The following SHROOM4 variants were observed in gnomAD, a reference collection of about 807,000 sequenced individuals.
The protein encoded by SHROOM4 is shroom family member 4.
A neutral mutation model predicts 80.3 loss-of-function variants in SHROOM4; 17 were observed. The observed-to-expected ratio is 0.21, with a 90% confidence interval of 0.14 to 0.32. SHROOM4 has a LOEUF of 0.32. Among genes scored for constraint, SHROOM4 ranks in the 10% least tolerant of loss-of-function variants. The pLI, the probability that SHROOM4 is intolerant of heterozygous loss-of-function variation, is 1.00. For missense variants in SHROOM4, 993 were observed against 1,140.3 expected, an observed-to-expected ratio of 0.87 and a Z score of 1.86; for synonymous variants, 400 against 437.5, an observed-to-expected ratio of 0.91 and a Z score of 1.07.
intron 1 of SHROOM4, among the ~76,000 whole-genome samples, chrX:50,696,741 G>A (rs1223960410): frequency 1.8e-5 from 2 of 112,095 alleles, no homozygotes; most frequent in Non-Finnish European, 3.8e-5. Flanking sequence ...CTGGAAATAT[G>A]GGTATTTACT....
chrX:50,610,352 TCACACACACACA>T (rs1557249589), intron 5 of SHROOM4, among the ~76,000 whole-genome samples: 1 of 91,718 alleles, frequency 1.1e-5, no homozygotes, highest in Admixed American at 1.2e-4. Context: ...TCTCTCTCTC[TCACACACACACA>T]CACACACACA....
chrX:50,788,086 T>C (rs942672715), intron 1 of SHROOM4, among the ~76,000 whole-genome samples: 2 of 112,105 alleles, frequency 1.8e-5, no homozygotes, highest in Admixed American at 9.4e-5. Context: ...TTAATTCTAG[T>C]ATAAAATTTA....
intron 1 of SHROOM4, among the ~76,000 whole-genome samples, chrX:50,813,188 A>G (rs782581055): frequency 5.6e-4 from 40 of 71,442 alleles, no homozygotes; most frequent in African/African-American, 1.2e-3. Flanking sequence ...CGGCGGCGGC[A>G]GCGGCAGCAG....
intron 3 of SHROOM4, among the ~76,000 whole-genome samples, chrX:50,637,327 TAGTC>T (rs1324899601): frequency 8.9e-6 from 1 of 111,949 alleles, no homozygotes; most frequent in Non-Finnish European, 1.9e-5. Context: ...CCTTGCCCCT[TAGTC>T]AGTCAGCTCA....
chrX:50,787,678 C>T (rs1935771528), intron 1 of SHROOM4, among the ~76,000 whole-genome samples: 1 of 109,928 alleles, frequency 9.1e-6, no homozygotes, highest in Non-Finnish European at 1.9e-5. Context: ...AGAAAAATAA[C>T]CTGTCATATA....
intron 6 of SHROOM4, among the ~76,000 whole-genome samples, chrX:50,603,921 T>A (rs1407971718): frequency 9.0e-6 from 1 of 111,623 alleles, no homozygotes. Context: ...TATATTCTCA[T>A]TGCCTGCTAG....
intron 1 of SHROOM4, among the ~76,000 whole-genome samples, chrX:50,736,678 G>T (rs191825368): frequency 8.9e-6 from 1 of 111,821 alleles, no homozygotes; most frequent in East Asian, 2.8e-4. Flanking sequence ...CTATGTCTTC[G>T]CTATTATGAA....
At chrX:50,610,184 C>T (rs1389909330) in intron 5 of SHROOM4, among the ~76,000 whole-genome samples, 2 of 111,634 alleles carry the variant, frequency 1.8e-5, no homozygotes, top group East Asian at 5.6e-4. Context: ...CTCCTCTTAT[C>T]CCTCCCCCAT....
intron 2 of SHROOM4, chrX:50,687,072 T>C (rs1933091368): frequency 8.9e-6 from 1 of 111,970 alleles, no homozygotes; most frequent in Non-Finnish European, 1.9e-5. Flanking sequence ...TTTTTATTCA[T>C]TCTCACTTGT....
At chrX:50,625,955 G>A (rs1427657027) in intron 5 of SHROOM4, among the ~76,000 whole-genome samples, 1 of 111,985 alleles carries the variant, frequency 8.9e-6, no homozygotes, top group Non-Finnish European at 1.9e-5. Flanking sequence ...CATTTCCTGA[G>A]AGTTTACGGT....
In SHROOM4 at chrX:50,771,147, C is replaced by G. The variant is rs1392601690; in HGVS notation, c.117+42755G>C. On this transcript the variant is annotated intron_variant, in intron 1 of 8. Transcript: ENST00000376020. ...TATCTTTAAGCTGGAACTGACCAACCACCCCTGTCTTAGTAAAAAGGTATT... is the reference window on the plus strand; with the variant it reads ...TATCTTTAAGCTGGAACTGACCAACGACCCCTGTCTTAGTAAAAAGGTATT... Among the ~76,000 whole-genome samples the G allele has an allele frequency of 2.7e-5, 3 of 111,241 alleles. No homozygotes were observed. The Admixed American group carries it at 2.9e-4, about 11-fold the overall frequency.
intron 1 of SHROOM4, among the ~76,000 whole-genome samples, chrX:50,753,167 C>T (rs1934959763): frequency 9.0e-6 from 1 of 111,719 alleles, no homozygotes; most frequent in African/African-American, 3.3e-5. Flanking sequence ...CCTGAAGTCC[C>T]TACCTTAAAT....
chrX:50,740,811 C>T (rs1934637524), intron 1 of SHROOM4, among the ~76,000 whole-genome samples: 1 of 111,915 alleles, frequency 8.9e-6, no homozygotes, highest in African/African-American at 3.2e-5. Flanking sequence ...TGCAAATATA[C>T]AAAATTAAAT....
Position 50,803,170 on chromosome X carries a change from C to G in SHROOM4, c.117+10732G>C, listed in dbSNP as rs1325547086. On this transcript the variant is annotated intron_variant, in intron 1 of 8. Transcript: ENST00000376020. Reference sequence around the variant, plus strand: ...ACGCCACTGCACTCCAGCCTGGCAACAGAGAGAGACTCCGTCTCAAAAAAT... The same window carrying G: ...ACGCCACTGCACTCCAGCCTGGCAAGAGAGAGAGACTCCGTCTCAAAAAAT... Among the ~76,000 whole-genome samples the G allele has an allele frequency of 7.2e-5, 8 of 111,708 alleles. No individual in the cohort carries two copies. In the Admixed American group the frequency reaches 7.6e-4, roughly 11 times the overall value.
intron 6 of SHROOM4, among the ~76,000 whole-genome samples, chrX:50,606,307 C>T (rs1929669443): frequency 9.3e-6 from 1 of 107,663 alleles, no homozygotes; most frequent in Non-Finnish European, 1.9e-5. Flanking sequence ...GCATCTTGGG[C>T]TGGAAAACTG....
In SHROOM4 at chrX:50,590,141, G is replaced by T. The variant is rs547137001; in HGVS notation, c.*6554C>A. Among the ~76,000 whole-genome samples the T allele has an allele frequency of 2.7e-5, 3 of 111,787 alleles. No individual in the cohort carries two copies. Among genetic ancestry groups the T allele is most frequent in the Non-Finnish European group, 5.6e-5 (3 of 53,146 alleles). On this transcript the variant is annotated 3_prime_UTR_variant, in exon 9 of 9. Transcript: ENST00000376020. ...TGAAGCCCTAATCCCCAATGTGATGGCATATGGAGGTGGGGCCTTTGAGAG... is the reference window on the plus strand; with the variant it reads ...TGAAGCCCTAATCCCCAATGTGATGTCATATGGAGGTGGGGCCTTTGAGAG...
chrX:50,660,401 C>G (rs1932453180), intron 2 of SHROOM4, among the ~76,000 whole-genome samples: 1 of 111,320 alleles, frequency 9.0e-6, no homozygotes, highest in African/African-American at 3.3e-5. Context: ...CATGCCTGCC[C>G]CCCAAAAAAT....
At chrX:50,599,358 T>C (rs1279921859) in intron 7 of SHROOM4, among the ~76,000 whole-genome samples, 1 of 111,519 alleles carries the variant, frequency 9.0e-6, no homozygotes, top group Non-Finnish European at 1.9e-5. Flanking sequence ...TCTGGAGTTA[T>C]AACGACTGGG....
intron 7 of SHROOM4, 64 bp from the exon 8 acceptor site, chrX:50,598,599 C>T: frequency 9.0e-7 from 1 of 1,117,213 alleles, no homozygotes. Context: ...CTGATTTGTG[C>T]CTGTAACCTC....
Sources: allele counts gnomAD v4.1 joint callset (sites outside exome capture counted in the v4.1 genomes callset), GRCh38; gene constraint gnomAD v4.1.1; transcripts MANE v1.5; gene names NCBI Gene and HGNC (gene_info 2026-07-23, HGNC 2026-07-21).